RCOR3: variants seen among roughly 807,000 people sequenced by gnomAD.
The protein encoded by RCOR3 is REST corepressor 3.
In RCOR3, 13 loss-of-function variants were observed where a neutral mutation model predicts 64.1. The ratio of observed to expected loss-of-function variants is 0.20; its 90% confidence interval spans 0.13 to 0.32. RCOR3 has a LOEUF of 0.32. Ranked by LOEUF, RCOR3 falls within the 10% of genes least tolerant of loss-of-function variation. The probability of loss-of-function intolerance (pLI) is 1.00; values close to 1 mark genes in which losing one functional copy is unlikely to be tolerated. For missense variants in RCOR3, 489 were observed against 701.2 expected (o/e 0.70, Z 3.42); for synonymous variants, 215 against 239.0 (o/e 0.90, Z 0.93).
At chr1:211,306,288 T>G (rs1700844133) in intron 10 of RCOR3, among the ~76,000 whole-genome samples, 1 of 152,088 alleles carries the variant, frequency 6.6e-6, no homozygotes, top group African/African-American at 2.4e-5. Context: ...AGGGGCGTAA[T>G]TGCAGGGTCT....
At chr1:211,299,374 A>T (rs546002257) in intron 9 of RCOR3, among the ~76,000 whole-genome samples, 83 of 152,308 alleles carry the variant, frequency 5.4e-4, no homozygotes, top group African/African-American at 2.0e-3. Context: ...GGATGGAGGT[A>T]AATGGGTAGG....
chr1:211,309,175 A>G (rs897994780), intron 10 of RCOR3, among the ~76,000 whole-genome samples: 1 of 151,934 alleles, frequency 6.6e-6, no homozygotes, highest in Non-Finnish European at 1.5e-5. Context: ...CAATCTTACT[A>G]GCCAAAGATT....
At chr1:211,282,900 CATATGATG>C (rs1483579520) in intron 7 of RCOR3, among the ~76,000 whole-genome samples, 1 of 152,152 alleles carries the variant, frequency 6.6e-6, no homozygotes, top group Non-Finnish European at 1.5e-5. Context: ...TATATAATCA[CATATGATG>C]ATATGATTAT....
intron 8 of RCOR3, among the ~76,000 whole-genome samples, chr1:211,290,365 T>TA (rs1235196799): frequency 1.4e-4 from 22 of 152,352 alleles, no homozygotes; most frequent in African/African-American, 5.3e-4. Context: ...CCCCTGCTGT[T>TA]ATCCCTTTCC....
chr1:211,297,918 T>A (rs1334617561), intron 9 of RCOR3, among the ~76,000 whole-genome samples: 1 of 152,236 alleles, frequency 6.6e-6, no homozygotes, highest in Non-Finnish European at 1.5e-5. Flanking sequence ...ATAATTACAA[T>A]AAGCCATCAA....
chr1:211,310,315 G>A (rs878943296), intron 10 of RCOR3, among the ~76,000 whole-genome samples: 1 of 152,154 alleles, frequency 6.6e-6, no homozygotes, highest in Admixed American at 6.5e-5. Flanking sequence ...TTCAGGATGA[G>A]GGGATTAGAA....
intron 7 of RCOR3, among the ~76,000 whole-genome samples, chr1:211,285,502 A>G (rs1361800720): frequency 6.6e-6 from 1 of 152,206 alleles, no homozygotes. Flanking sequence ...ACTCAGAGTC[A>G]CTTCTCTTGC....
At position 211,268,369 on chromosome 1, in the gene RCOR3, CTTTTTTTTTTTTTTT is replaced by C. The variant is rs756643084; in HGVS notation, c.224-2850_224-2836del. 6.3e-5 allele frequency among the ~76,000 whole-genome samples: 5 copies of C among 79,360 alleles called. 1 individual carries two copies. Among genetic ancestry groups the C allele is most frequent in the African/African-American group, 2.2e-4 (5 of 22,790 alleles). 52.1% of individuals were successfully genotyped at this position (79,360 alleles called of 152,430 possible). Reference sequence around the variant, plus strand: ...AGATATATCAAAGTTTCTTTTCTTTCTTTTTTTTTTTTTTTTTTTTTTTTTTTGAGATGGAGTTTC... The same window carrying C: ...AGATATATCAAAGTTTCTTTTCTTTCTTTTTTTTTTTTGAGATGGAGTTTC... On this transcript the variant is annotated intron_variant, in intron 2 of 11. Coordinates refer to ENST00000419091, the MANE Select transcript of RCOR3 (RefSeq NM_001136223.3).
chr1:211,278,370 C>CT, intron 6 of RCOR3, 129 bp downstream of exon 6: 1 of 1,108,332 alleles, frequency 9.0e-7, no homozygotes, highest in Non-Finnish European at 1.3e-6. Context: ...TGTTTCTACT[C>CT]TGACAAGAAG....
At chr1:211,280,741 C>T (rs1363803263) in intron 7 of RCOR3, among the ~76,000 whole-genome samples, 2 of 152,090 alleles carry the variant, frequency 1.3e-5, no homozygotes, top group African/African-American at 2.4e-5. Flanking sequence ...CCTGGCACTT[C>T]GGGAGGCCAA....
chr1:211,288,232 A>G (rs1255931494), intron 7 of RCOR3, among the ~76,000 whole-genome samples: 1 of 151,792 alleles, frequency 6.6e-6, no homozygotes, highest in Non-Finnish European at 1.5e-5. Flanking sequence ...AAATTGGATT[A>G]TTAAATATAT....
At chr1:211,262,294 C>G (rs976514768) in intron 2 of RCOR3, among the ~76,000 whole-genome samples, 1 of 151,928 alleles carries the variant, frequency 6.6e-6, no homozygotes, top group Admixed American at 6.6e-5. Context: ...CTCGACCTCC[C>G]AAAGTGTTGG....
chr1:211,261,125 T>G (rs1210379438), intron 2 of RCOR3: 2 of 152,172 alleles, frequency 1.3e-5, no homozygotes, highest in Non-Finnish European at 2.9e-5. Flanking sequence ...AGTTTGTCAA[T>G]TTTTGCCCAG....
intron 2 of RCOR3, among the ~76,000 whole-genome samples, chr1:211,270,209 C>T (rs191378735): frequency 4.6e-5 from 7 of 151,794 alleles, no homozygotes; most frequent in African/African-American, 7.2e-5. Flanking sequence ...ATTACAGGTG[C>T]GCGCCACCAC....
At chr1:211,303,339 A>G (rs1162407105) in intron 9 of RCOR3, 3 of 152,198 alleles carry the variant, frequency 2.0e-5, no homozygotes, top group Admixed American at 1.3e-4. Flanking sequence ...TGCTAAGACC[A>G]TAAGTGAGGT....
chr1:211,305,876 A>G (rs944314795), intron 10 of RCOR3, among the ~76,000 whole-genome samples: 8 of 152,308 alleles, frequency 5.3e-5, no homozygotes, highest in Non-Finnish European at 7.4e-5. Context: ...GTAGTCATAT[A>G]TATAACCAAA....
At chr1:211,280,639 A>G (rs115194147) in intron 7 of RCOR3, among the ~76,000 whole-genome samples, 4,262 of 152,084 alleles carry the variant, frequency 0.028, 78 homozygotes, top group South Asian at 0.073. Flanking sequence ...TCTTTCGCAT[A>G]TTTTCAACCT....
rs1158597755 is a variant in RCOR3 at position 211,261,923 on chromosome 1, CAAAAA to C, written c.223+1773_223+1777del. Among the ~76,000 whole-genome samples the C allele has an allele frequency of 6.0e-3, 204 of 34,126 alleles. 8 individuals carry two copies. Among genetic ancestry groups the C allele is most frequent in the African/African-American group, 0.022 (185 of 8,250 alleles). The allele number at this position is 34,126 out of a possible 152,430, so 22.4% of individuals were successfully genotyped here. Reference sequence around the variant, plus strand: ...TGGGCAACAGAGTGAGACTCCATCTCAAAAAAAAAAAAAAAAAACTGAATTCAATT... The same window carrying C: ...TGGGCAACAGAGTGAGACTCCATCTCAAAAAAAAAAAAACTGAATTCAATT... On this transcript the variant is annotated intron_variant, in intron 2 of 11. Coordinates refer to ENST00000419091, the MANE Select transcript of RCOR3 (RefSeq NM_001136223.3).
chr1:211,304,260 C>CA, intron 10 of RCOR3, 120 bp downstream of exon 10: 1 of 634,614 alleles, frequency 1.6e-6, no homozygotes, highest in South Asian at 3.5e-5. Flanking sequence ...GTGTTTATCA[C>CA]AAAGTCCTGG....
Sources: gnomAD v4.1 joint callset for allele counts (sites outside exome capture counted in the v4.1 genomes callset) on GRCh38, gnomAD v4.1.1 for gene constraint, MANE v1.5 for transcripts, NCBI Gene and HGNC (gene_info 2026-07-23, HGNC 2026-07-21) for gene names.